The following SPAG1 variants were observed in gnomAD, a reference collection of about 807,000 sequenced individuals.
SPAG1 encodes the protein sperm-associated antigen 1.
Under a neutral mutation model 100.5 loss-of-function variants are expected in SPAG1, and 69 were observed. The observed-to-expected ratio is 0.69, with a 90% CI of 0.57 to 0.84. SPAG1 has a LOEUF of 0.84. SPAG1 is among the 40% of genes least tolerant of loss of function. SPAG1 has a pLI of 0.00. For missense variants in SPAG1, 955 were observed against 1,133.1 expected, an observed-to-expected ratio of 0.84 and a Z score of 2.26; for synonymous variants, 336 against 411.6, an observed-to-expected ratio of 0.82 and a Z score of 2.22.
At position 100,212,893 on chromosome 8, in the gene SPAG1, AG is replaced by A. The variant is rs11300810; in HGVS notation, c.1097-192del. 0.63 allele frequency among the ~76,000 whole-genome samples: 95,173 copies of A among 151,966 alleles called. 30,158 individuals are homozygous for A. Among genetic ancestry groups the A allele is most frequent in the African/African-American group, 0.72 (29,712 of 41,470 alleles). On this transcript the variant is annotated intron_variant, in intron 10 of 18. Coordinates refer to ENST00000388798, the MANE Select transcript of SPAG1 (RefSeq NM_003114.5). ...GGGAGCCGAGTCCTCAGGAAGCCGC[AG>A]GGGGCCTCGAGGGAGCGGACTGGGC...
chr8:100,232,271 C>T (rs1387442142), intron 15 of SPAG1, among the ~76,000 whole-genome samples: 1 of 152,088 alleles, frequency 6.6e-6, no homozygotes, highest in African/African-American at 2.4e-5. Context: ...GCTGGCAGCT[C>T]ATTGCCTGGT....
At chr8:100,189,529 C>T (rs958461122) in intron 8 of SPAG1, among the ~76,000 whole-genome samples, 3 of 151,482 alleles carry the variant, frequency 2.0e-5, no homozygotes, top group Non-Finnish European at 2.9e-5. Context: ...GTGGTGGGCA[C>T]CTGTAGTCCC....
intron 3 of SPAG1, 86 bp downstream of exon 3, chr8:100,166,059 G>C (rs1298260902): frequency 5.6e-6 from 7 of 1,248,684 alleles, no homozygotes; most frequent in Admixed American, 2.5e-5. Context: ...TAGGCTTCTT[G>C]TTTGTCCGTA....
In SPAG1 at chr8:100,225,460, C is replaced by A. The variant is rs1056858734; in HGVS notation, c.1855+121C>A. 14 of 812,468 alleles carry A rather than the reference C, an allele frequency of 1.7e-5. No homozygotes were observed. In the African/African-American group the frequency reaches 1.9e-4, roughly 11 times the overall value. The allele number at this position is 812,468 out of a possible 1,614,324, so 50.3% of individuals were successfully genotyped here. A position where few individuals can be genotyped will look rare whatever the true frequency, so the allele number is the denominator to read the frequency against. ...ATCAGACCTAGGTTTAAGTGAAGTC[C>A]CTGTTCTCCCTATTTTATTATTATT... On this transcript the variant is annotated intron_variant, in intron 14 of 18. Transcript: ENST00000388798.
intron 12 of SPAG1, among the ~76,000 whole-genome samples, chr8:100,215,685 C>T (rs187668780): frequency 8.5e-5 from 13 of 152,292 alleles, no homozygotes; most frequent in South Asian, 6.2e-4. Flanking sequence ...CCACCATGCC[C>T]GGCTAATTTT....
At chr8:100,213,449 C>T (rs1817829591) in intron 11 of SPAG1, 21 bp downstream of exon 11, 2 of 1,380,342 alleles carry the variant, frequency 1.4e-6, no homozygotes, top group East Asian at 3.0e-5. Context: ...CGCGCCCCGC[C>T]GCTTCCTGGG....
intron 12 of SPAG1, among the ~76,000 whole-genome samples, chr8:100,220,024 T>C (rs1818188987): frequency 6.6e-6 from 1 of 152,230 alleles, no homozygotes; most frequent in Non-Finnish European, 1.5e-5. Context: ...GGCCAGGACA[T>C]GCTGCCAGGG....
chr8:100,196,402 C>T (rs958984175), intron 10 of SPAG1, among the ~76,000 whole-genome samples: 1 of 152,096 alleles, frequency 6.6e-6, no homozygotes, highest in African/African-American at 2.4e-5. Context: ...TTTTTTTCCC[C>T]TTTTTACCCA....
intron 3 of SPAG1, among the ~76,000 whole-genome samples, chr8:100,166,645 C>T (rs571413284): frequency 4.7e-4 from 72 of 152,140 alleles, no homozygotes; most frequent in African/African-American, 1.7e-3. Flanking sequence ...GTTGCTCACA[C>T]CACCTGTAAT....
intron 9 of SPAG1, 82 bp downstream of exon 9, chr8:100,191,578 A>T (rs1411711349): frequency 1.1e-6 from 1 of 945,484 alleles, no homozygotes; most frequent in East Asian, 2.5e-5. Flanking sequence ...AATCTTGCCA[A>T]ACAAATTATG....
chr8:100,200,686 T>C (rs1309116229), intron 10 of SPAG1, among the ~76,000 whole-genome samples: 1 of 152,270 alleles, frequency 6.6e-6, no homozygotes, highest in Admixed American at 6.5e-5. Flanking sequence ...TTTGCATTTC[T>C]CTGATGGCCA....
chr8:100,216,285 C>T (rs1022457853), intron 12 of SPAG1, among the ~76,000 whole-genome samples: 7 of 152,176 alleles, frequency 4.6e-5, no homozygotes, highest in Admixed American at 1.3e-4. Flanking sequence ...ACCCTTCAGA[C>T]TTGTTTTAGG....
At chr8:100,172,727 G>T (rs2514709) in intron 3 of SPAG1, among the ~76,000 whole-genome samples, 52,395 of 151,292 alleles carry the variant, frequency 0.35, 9,456 homozygotes, top group East Asian at 0.51. Context: ...CCTCGCAGAT[G>T]CTAGAGAACC....
chr8:100,217,233 G>A, intron 12 of SPAG1, among the ~76,000 whole-genome samples: 1 of 152,068 alleles, frequency 6.6e-6, no homozygotes, highest in East Asian at 1.9e-4. Context: ...GAGCCACTGT[G>A]CCTGGCCCAA....
chr8:100,235,720 C>G (rs1818974315), intron 16 of SPAG1, among the ~76,000 whole-genome samples: 1 of 152,174 alleles, frequency 6.6e-6, no homozygotes, highest in African/African-American at 2.4e-5. Context: ...TAGATCCACT[C>G]TGGCTGCAGT....
intron 8 of SPAG1, among the ~76,000 whole-genome samples, chr8:100,190,026 T>C (rs1456627763): frequency 6.6e-6 from 1 of 152,148 alleles, no homozygotes; most frequent in Non-Finnish European, 1.5e-5. Flanking sequence ...TTTCTAACTT[T>C]TCAGGCAGGC....
chr8:100,197,177 A>G (rs1298717895), intron 10 of SPAG1, among the ~76,000 whole-genome samples: 1 of 152,136 alleles, frequency 6.6e-6, no homozygotes, highest in East Asian at 1.9e-4. Context: ...ATAATTTTTA[A>G]GCCAGGCACA....
chr8:100,219,717 C>T (rs1329621622), intron 12 of SPAG1, among the ~76,000 whole-genome samples: 1 of 152,182 alleles, frequency 6.6e-6, no homozygotes, highest in Non-Finnish European at 1.5e-5. Flanking sequence ...ATTGGAAACA[C>T]TTCATAGACT....
chr8:100,231,485 C>G (rs1014910465), intron 15 of SPAG1, among the ~76,000 whole-genome samples, 197 bp downstream of exon 15: 5 of 152,104 alleles, frequency 3.3e-5, no homozygotes, highest in Non-Finnish European at 5.9e-5. Flanking sequence ...GACTGGAAGC[C>G]TGAGGTGTGG....
Sources: allele counts gnomAD v4.1 joint callset (sites outside exome capture counted in the v4.1 genomes callset), GRCh38; gene constraint gnomAD v4.1.1; transcripts MANE v1.5; gene names NCBI Gene and HGNC (gene_info 2026-07-23, HGNC 2026-07-21).